Variants in PRKCI observed in about 807,000 individuals in gnomAD.
The protein encoded by PRKCI is protein kinase C iota, also known as protein kinase C iota type.
Under a neutral mutation model 84.0 loss-of-function variants are expected in PRKCI, and 43 were observed. The ratio of observed to expected loss-of-function variants is 0.51; its 90% CI spans 0.40 to 0.66. PRKCI has a LOEUF of 0.66. Ranked by LOEUF, PRKCI falls within the 30% of genes least tolerant of loss-of-function variation. The pLI, the probability that PRKCI is intolerant of heterozygous loss-of-function variation, is 0.00. For synonymous variants in PRKCI, 216 were observed against 234.4 expected (o/e 0.92, Z 0.72); for missense variants, 459 against 745.6 (o/e 0.62, Z 4.48).
chr3:170,239,828 A>G (rs960153026), intron 2 of PRKCI, among the ~76,000 whole-genome samples: 1 of 151,408 alleles, frequency 6.6e-6, no homozygotes, highest in African/African-American at 2.4e-5. Context: ...CAGTGCCTAG[A>G]GCAATACTAA....
intron 2 of PRKCI, among the ~76,000 whole-genome samples, chr3:170,246,444 G>C (rs1733287496): frequency 6.6e-6 from 1 of 151,790 alleles, no homozygotes; most frequent in African/African-American, 2.4e-5. Flanking sequence ...TGAGCCACTG[G>C]GCCCAGCCTA....
At chr3:170,251,263 A>G (rs1216508739) in intron 2 of PRKCI, among the ~76,000 whole-genome samples, 1 of 152,210 alleles carries the variant, frequency 6.6e-6, no homozygotes, top group African/African-American at 2.4e-5. Flanking sequence ...CAAATTTCCA[A>G]CAGGATTTTA....
chr3:170,265,202 A>G (rs1368776997), intron 4 of PRKCI, among the ~76,000 whole-genome samples: 1 of 151,836 alleles, frequency 6.6e-6, no homozygotes, highest in African/African-American at 2.4e-5. Context: ...AAAAAAAAAA[A>G]GAAAAAAACT....
At chr3:170,271,894 C>G (rs1055191807) in intron 6 of PRKCI, among the ~76,000 whole-genome samples, 1 of 152,186 alleles carries the variant, frequency 6.6e-6, no homozygotes. Flanking sequence ...AATGTAGTGG[C>G]ACAATCTTGG....
Position 170,280,284 on chromosome 3 carries a change from G to A in PRKCI, c.763G>A (p.Asp255Asn), listed in dbSNP as rs774168806. 2 of 1,613,232 alleles carry A rather than the reference G, an allele frequency of 1.2e-6. No homozygotes were observed. The highest frequency in any genetic ancestry group is 4.5e-5 in the East Asian group (2 of 44,866). Residue 255 changes from aspartate (D) to asparagine (N), a missense_variant, in exon 9 of 18, where the codon GAT becomes AAT. This residue lies in a region of PRKCI where 209 missense variants were observed against 425.9 expected (regional missense o/e 0.49). Coordinates refer to ENST00000295797, the MANE Select transcript of PRKCI (RefSeq NM_002740.6). ...ASSSLGLQDF[D>N]LLRVIGRGSY... Reference sequence around the variant, plus strand: ...ATCCAGTCTAGGTCTTCAGGATTTTGATTTGCTCCGGGTAATAGGAAGAGG... The same window carrying A: ...ATCCAGTCTAGGTCTTCAGGATTTTAATTTGCTCCGGGTAATAGGAAGAGG...
intron 10 of PRKCI, 178 bp from the exon 11 acceptor site, chr3:170,281,704 C>A: frequency 5.7e-6 from 4 of 699,706 alleles, no homozygotes; most frequent in Non-Finnish European, 8.4e-6. Flanking sequence ...TATTATCATG[C>A]TGGTTTACTT....
intron 6 of PRKCI, among the ~76,000 whole-genome samples, chr3:170,271,028 CAT>C (rs1177344664): frequency 6.6e-6 from 1 of 151,078 alleles, no homozygotes; most frequent in Non-Finnish European, 1.5e-5. Context: ...ATATATAAAA[CAT>C]GTTTGTTATC....
chr3:170,267,844 G>T, intron 4 of PRKCI, 71 bp from the exon 5 acceptor site: 1 of 1,152,686 alleles, frequency 8.7e-7, no homozygotes, highest in Non-Finnish European at 1.2e-6. Context: ...AAAAATTACA[G>T]ACTTAATTAT....
intron 2 of PRKCI, among the ~76,000 whole-genome samples, chr3:170,256,641 G>T (rs1342472930): frequency 1.3e-5 from 2 of 151,994 alleles, no homozygotes; most frequent in Non-Finnish European, 2.9e-5. Context: ...TTGATCTTTT[G>T]TGTGTTTTGT....
At chr3:170,284,213 G>GA (rs1353701498) in intron 11 of PRKCI, among the ~76,000 whole-genome samples, 1 of 152,054 alleles carries the variant, frequency 6.6e-6, no homozygotes. Flanking sequence ...CCCAGATTGA[G>GA]AACCCCTGTT....
chr3:170,295,601 G>C (rs146202631), intron 14 of PRKCI, among the ~76,000 whole-genome samples: 1 of 150,566 alleles, frequency 6.6e-6, no homozygotes, highest in African/African-American at 2.4e-5. Flanking sequence ...ACTTGAACCC[G>C]GGAGGCAGAG....
chr3:170,300,683 ATTT>A (rs201572419), intron 17 of PRKCI, among the ~76,000 whole-genome samples: 40 of 138,270 alleles, frequency 2.9e-4, no homozygotes, highest in Non-Finnish European at 2.8e-4. Flanking sequence ...ATTGTCTTGA[ATTT>A]TTTTTTTTTT....
chr3:170,287,192 TG>T (rs1734415849), intron 12 of PRKCI, among the ~76,000 whole-genome samples: 1 of 151,664 alleles, frequency 6.6e-6, no homozygotes, highest in Non-Finnish European at 1.5e-5. Context: ...AAAATTACAC[TG>T]GGTTGGTTGT....
At chr3:170,239,934 G>A (rs1391434874) in intron 2 of PRKCI, among the ~76,000 whole-genome samples, 1 of 152,068 alleles carries the variant, frequency 6.6e-6, no homozygotes, top group Non-Finnish European at 1.5e-5. Context: ...GATCCCTTGA[G>A]CCCAGAAGTT....
chr3:170,283,212 G>A (rs745372339), intron 11 of PRKCI, among the ~76,000 whole-genome samples: 28 of 152,146 alleles, frequency 1.8e-4, no homozygotes, highest in Non-Finnish European at 3.5e-4. Flanking sequence ...AGGTGGGAAG[G>A]GATCATGGCC....
chr3:170,259,916 C>T, intron 2 of PRKCI, 53 bp from the exon 3 acceptor site: 2 of 1,001,586 alleles, frequency 2.0e-6, no homozygotes, highest in South Asian at 1.9e-5. Context: ...GTTTAGTAAT[C>T]ATCACATTTA....
chr3:170,269,015 A>G (rs1419475552), intron 5 of PRKCI, among the ~76,000 whole-genome samples: 1 of 152,076 alleles, frequency 6.6e-6, no homozygotes, highest in Admixed American at 6.5e-5. Context: ...CTTGGGTTCA[A>G]GCGATTCTTG....
At chr3:170,279,266 A>G (rs1370342066) in intron 8 of PRKCI, among the ~76,000 whole-genome samples, 3 of 152,148 alleles carry the variant, frequency 2.0e-5, no homozygotes, top group Non-Finnish European at 2.9e-5. Context: ...CCTGGGCTCA[A>G]TCAGTCCACC....
At chr3:170,242,678 T>G (rs561945633) in intron 2 of PRKCI, among the ~76,000 whole-genome samples, 1 of 152,174 alleles carries the variant, frequency 6.6e-6, no homozygotes, top group African/African-American at 2.4e-5. Context: ...GTTTTTGTTT[T>G]GTTTTGTTTT....
Sources: allele counts gnomAD v4.1 joint callset (sites outside exome capture counted in the v4.1 genomes callset), GRCh38; gene constraint gnomAD v4.1.1; regional missense constraint gnomAD v4.1.1; transcripts MANE v1.5; gene names NCBI Gene and HGNC (gene_info 2026-07-23, HGNC 2026-07-21).